The following BCL7A variants were observed in gnomAD, a reference collection of about 807,000 sequenced individuals.
BCL7A encodes the protein BAF chromatin remodeling complex subunit BCL7A, also known as B-cell CLL/lymphoma 7 protein family member A.
In BCL7A, 11 loss-of-function variants were observed where a neutral mutation model predicts 28.4. The ratio of observed to expected loss-of-function variants is 0.39; its 90% CI spans 0.24 to 0.64. The LOEUF is 0.64. BCL7A is among the 30% of genes least tolerant of loss of function. BCL7A has a pLI of 0.50. For missense variants in BCL7A, 222 were observed against 274.8 expected (o/e 0.81, Z 1.36); for synonymous variants, 123 against 103.3 (o/e 1.19, Z -1.15).
chr12:122,030,597 C>A (rs1162249327), intron 1 of BCL7A, 103 bp from the exon 2 acceptor site: 1 of 1,085,944 alleles, frequency 9.2e-7, no homozygotes, highest in Non-Finnish European at 1.4e-6. Flanking sequence ...TTCCAACCCT[C>A]ATCTGTGTGA....
chr12:122,037,552 T>G (rs941285010), intron 3 of BCL7A, among the ~76,000 whole-genome samples: 2 of 152,154 alleles, frequency 1.3e-5, no homozygotes, highest in African/African-American at 4.8e-5. Flanking sequence ...TGGCGGTGGC[T>G]CATGCCTGTA....
At chr12:122,023,622 T>A (rs1883531115) in intron 1 of BCL7A, among the ~76,000 whole-genome samples, 1 of 152,142 alleles carries the variant, frequency 6.6e-6, no homozygotes, top group African/African-American at 2.4e-5. Context: ...GACAAAGAAT[T>A]TTCAGAACCG....
In BCL7A at chr12:122,029,532, T is replaced by C. The variant is rs147609293; in HGVS notation, c.93-1168T>C. On this transcript the variant is annotated intron_variant, in intron 1 of 5. Coordinates refer to ENST00000261822, the MANE Select transcript of BCL7A (RefSeq NM_001024808.3). This position sits in a 1 kb window ranked among gnomAD's most constrained non-coding sequence, Gnocchi z 4.3. Reference sequence around the variant, plus strand: ...CACACAGAATTCTCAGTTCTGGGAATTTTTGTCACCAAAATTGCTGAGGAC... The same window carrying C: ...CACACAGAATTCTCAGTTCTGGGAACTTTTGTCACCAAAATTGCTGAGGAC... Among the ~76,000 whole-genome samples the C allele has an allele frequency of 6.6e-6, 1 of 152,306 alleles. No individual in the cohort carries two copies. The highest frequency in any genetic ancestry group is 2.4e-5 in the African/African-American group (1 of 41,560).
rs1414604122 is a variant in BCL7A at position 122,029,807 on chromosome 12, G to A, written c.93-893G>A. Among the ~76,000 whole-genome samples, 1 of 152,164 alleles carries A rather than the reference G, an allele frequency of 6.6e-6. No homozygotes were observed. Among genetic ancestry groups the A allele is most frequent in the African/African-American group, 2.4e-5 (1 of 41,436 alleles). ...TCTTCGTGGCGGTAAGGGACAAGTC[G>A]GAGTGCAGGGGGTCAAGGACAGGAG... On this transcript the variant is annotated intron_variant, in intron 1 of 5. Coordinates refer to ENST00000261822, the MANE Select transcript of BCL7A (RefSeq NM_001024808.3). This position sits in a 1 kb window ranked among gnomAD's most constrained non-coding sequence, Gnocchi z 4.3.
intron 1 of BCL7A, among the ~76,000 whole-genome samples, chr12:122,023,854 A>C (rs1883541260): frequency 6.6e-6 from 1 of 152,172 alleles, no homozygotes; most frequent in African/African-American, 2.4e-5. Context: ...GCCCCTGTGC[A>C]AAGAAAGAAC....
At chr12:122,051,866 CTTTTTTTTT>C (rs34244407) in intron 4 of BCL7A, among the ~76,000 whole-genome samples, 3 of 80,302 alleles carry the variant, frequency 3.7e-5, no homozygotes, top group African/African-American at 5.0e-5. Flanking sequence ...CTCTCTCTCT[CTTTTTTTTT>C]TTTTTTTTTT....
In BCL7A at chr12:122,061,287, C is replaced by G. The variant is rs2135865995; in HGVS notation, c.*2124C>G. ...AGGTGGCCCTGCCGTTGACCGCAGC[C>G]TCTCTGGACAGGCAAGGGGAGTTGG... On this transcript the variant is annotated 3_prime_UTR_variant, in exon 6 of 6. Coordinates refer to ENST00000261822, the MANE Select transcript of BCL7A (RefSeq NM_001024808.3). 1 of 231,452 alleles carries G rather than the reference C, an allele frequency of 4.3e-6. No homozygotes were observed. The highest frequency in any genetic ancestry group is 1.8e-4 in the South Asian group (1 of 5,498). 14.3% of individuals were successfully genotyped at this position (231,452 alleles called of 1,614,324 possible). A position where few individuals can be genotyped will look rare whatever the true frequency, so the allele number is the denominator to read the frequency against.
At chr12:122,044,507 C>G (rs1166336084) in intron 4 of BCL7A, 1 of 154,572 alleles carries the variant, frequency 6.5e-6, no homozygotes, top group East Asian at 1.9e-4. Flanking sequence ...GACCCTGTCT[C>G]AATAATAAGT....
At chr12:122,040,467 G>GGCAA (rs1398745001) in intron 3 of BCL7A, among the ~76,000 whole-genome samples, 1 of 151,380 alleles carries the variant, frequency 6.6e-6, no homozygotes, top group African/African-American at 2.4e-5. Context: ...GGGAAGGGGA[G>GGCAA]GTTGCAGTGA....
chr12:122,046,392 G>A (rs1884078147), intron 4 of BCL7A, among the ~76,000 whole-genome samples: 1 of 152,210 alleles, frequency 6.6e-6, no homozygotes, highest in Admixed American at 6.5e-5. Context: ...CAGGGCGTGT[G>A]TGTCCTGGGA....
In BCL7A at chr12:122,054,945, CAG is replaced by C. The variant is rs779321184; in HGVS notation, c.561+22_561+23del. ...CTCTCAGGTACCTCGCTCGAGGTCT[CAG>C]AGGGGCAGCCAGATCGGCCGGGAGC... On this transcript the variant is annotated intron_variant, in intron 5 of 5. Coordinates refer to ENST00000261822, the MANE Select transcript of BCL7A (RefSeq NM_001024808.3). 5 of 1,614,164 alleles carry C rather than the reference CAG, an allele frequency of 3.1e-6. No homozygotes were observed. In the Admixed American group the frequency reaches 6.7e-5, roughly 22 times the overall value.
intron 1 of BCL7A, among the ~76,000 whole-genome samples, chr12:122,024,491 C>A (rs1883570629): frequency 7.0e-6 from 1 of 142,628 alleles, no homozygotes; most frequent in Non-Finnish European, 1.5e-5. Flanking sequence ...CCCTTCTAAG[C>A]GAAAGCCTTG....
chr12:122,037,288 G>C (rs1175509078), intron 3 of BCL7A, among the ~76,000 whole-genome samples: 1 of 152,158 alleles, frequency 6.6e-6, no homozygotes, highest in African/African-American at 2.4e-5. Flanking sequence ...CAATTTCAAC[G>C]TCTTTGTACT....
chr12:122,053,889 CAT>C (rs1306304141), intron 4 of BCL7A, among the ~76,000 whole-genome samples: 1 of 152,134 alleles, frequency 6.6e-6, no homozygotes, highest in African/African-American at 2.4e-5. Context: ...CGAAATACCA[CAT>C]GACCCCCATT....
intron 3 of BCL7A, among the ~76,000 whole-genome samples, chr12:122,040,933 A>G (rs975978341): frequency 1.3e-5 from 2 of 152,116 alleles, no homozygotes; most frequent in Non-Finnish European, 1.5e-5. Context: ...AGCCTCAGGA[A>G]CCTACGGGGC....
intron 4 of BCL7A, among the ~76,000 whole-genome samples, chr12:122,049,049 T>C (rs1565941537): frequency 8.3e-6 from 1 of 120,794 alleles, no homozygotes; most frequent in Non-Finnish European, 1.7e-5. Context: ...TATATATATA[T>C]ATATACATAT....
At chr12:122,023,581 C>T (rs1028430653) in intron 1 of BCL7A, among the ~76,000 whole-genome samples, 1 of 152,226 alleles carries the variant, frequency 6.6e-6, no homozygotes, top group Non-Finnish European at 1.5e-5. Context: ...TGGCCGGATG[C>T]CCGGCCGTGG....
At chr12:122,023,984 C>G (rs1298485695) in intron 1 of BCL7A, among the ~76,000 whole-genome samples, 17 of 152,188 alleles carry the variant, frequency 1.1e-4, no homozygotes, top group Admixed American at 1.1e-3. Flanking sequence ...CCCGGCTGGA[C>G]AGAGGCTCCT....
chr12:122,049,952 A>G (rs1884156796), intron 4 of BCL7A, among the ~76,000 whole-genome samples: 2 of 151,542 alleles, frequency 1.3e-5, no homozygotes, highest in Admixed American at 1.3e-4. Flanking sequence ...CAGCCTCAGC[A>G]CCCCTGGCAT....
Sources: gnomAD v4.1 joint callset for allele counts (sites outside exome capture counted in the v4.1 genomes callset) on GRCh38, gnomAD v4.1.1 for gene constraint, Gnocchi (gnomAD v3.1) non-coding constraint, MANE v1.5 for transcripts, NCBI Gene and HGNC (gene_info 2026-07-23, HGNC 2026-07-21) for gene names.